ZMYM2: variants seen among roughly 807,000 people sequenced by gnomAD.
ZMYM2 encodes zinc finger MYM-type protein 2.
Under a neutral mutation model 162.8 loss-of-function variants are expected in ZMYM2, and 56 were observed. That is an observed-to-expected ratio of 0.34 (90% CI 0.28 to 0.43). ZMYM2 has a LOEUF of 0.43. ZMYM2 is among the 20% of genes least tolerant of loss of function. The pLI is 1.00. For synonymous variants in ZMYM2, 510 were observed against 541.6 expected, an observed-to-expected ratio of 0.94 and a Z score of 0.81; for missense variants, 1,275 against 1,621.8, an observed-to-expected ratio of 0.79 and a Z score of 3.67.
At chr13:20,047,506 C>T (rs541386860) in intron 12 of ZMYM2, among the ~76,000 whole-genome samples, 1 of 152,232 alleles carries the variant, frequency 6.6e-6, no homozygotes, top group African/African-American at 2.4e-5. Context: ...ACTTAAAAAT[C>T]AACAGCTAGC....
At chr13:19,874,540 A>G in the ZMYM2 span, among the ~76,000 whole-genome samples, 345 of 152,240 alleles carry the variant, frequency 2.3e-3, 1 homozygote, top group African/African-American at 7.7e-3. Context: ...GCTCATTCCA[A>G]TCTTCACTTC....
chr13:19,871,735 A>G, the ZMYM2 span, among the ~76,000 whole-genome samples: 1 of 152,236 alleles, frequency 6.6e-6, no homozygotes, highest in African/African-American at 2.4e-5. Context: ...GCACCCAATA[A>G]TGAGGAAATG....
intron 12 of ZMYM2, among the ~76,000 whole-genome samples, chr13:20,049,577 T>A (rs921950116): frequency 6.6e-6 from 1 of 152,100 alleles, no homozygotes; most frequent in Non-Finnish European, 1.5e-5. Context: ...TCTGCTCATT[T>A]ATAGTAACTC....
At chr13:19,868,773 C>T in the ZMYM2 span, among the ~76,000 whole-genome samples, 1 of 152,056 alleles carries the variant, frequency 6.6e-6, no homozygotes, top group Non-Finnish European at 1.5e-5. Context: ...ATTTTTGAGA[C>T]AGAATCTTAT....
At chr13:20,008,256 G>C (rs1566282193) in intron 6 of ZMYM2, among the ~76,000 whole-genome samples, 1 of 152,094 alleles carries the variant, frequency 6.6e-6, no homozygotes, top group African/African-American at 2.4e-5. Context: ...TCAGCCTCCT[G>C]AGTGGCTGGG....
the ZMYM2 span, among the ~76,000 whole-genome samples, chr13:19,915,859 T>C: frequency 8.1e-6 from 1 of 123,382 alleles, no homozygotes; most frequent in Non-Finnish European, 1.7e-5. Context: ...TATTATGAAA[T>C]GACACTTTTT....
the ZMYM2 span, among the ~76,000 whole-genome samples, chr13:19,938,796 C>A: frequency 2.0e-5 from 3 of 151,660 alleles, no homozygotes; most frequent in Non-Finnish European, 4.4e-5. Context: ...TTGCTTTAAT[C>A]CTTACAAAAA....
chr13:19,923,191 CAAAAA>C, the ZMYM2 span, among the ~76,000 whole-genome samples: 3 of 125,524 alleles, frequency 2.4e-5, no homozygotes, highest in Admixed American at 8.4e-5. Flanking sequence ...ACTAAATATA[CAAAAA>C]AAAAAAAAAA....
intron 21 of ZMYM2, chr13:20,070,361 T>A: frequency 4.9e-6 from 1 of 203,040 alleles, no homozygotes; most frequent in Non-Finnish European, 1.1e-5. Context: ...GTTCCTTGCA[T>A]TTATTCATAT....
At chr13:19,950,479 G>T in the ZMYM2 span, among the ~76,000 whole-genome samples, 1 of 152,194 alleles carries the variant, frequency 6.6e-6, no homozygotes, top group Non-Finnish European at 1.5e-5. Context: ...TACTAGTCAC[G>T]GAGTTTTGGC....
intron 14 of ZMYM2, 26 bp downstream of exon 14, chr13:20,052,337 G>A (rs1006787319): frequency 1.3e-6 from 2 of 1,559,508 alleles, no homozygotes; most frequent in Non-Finnish European, 1.7e-6. Context: ...ATGGAGTGCT[G>A]AATTGTGATT....
chr13:20,007,517 T>C (rs913226018), intron 6 of ZMYM2, among the ~76,000 whole-genome samples: 6 of 152,174 alleles, frequency 3.9e-5, no homozygotes, highest in Non-Finnish European at 8.8e-5. Flanking sequence ...GTGATTTCAA[T>C]CTTCATAAAT....
chr13:19,977,051 T>C (rs1225343034), intron 2 of ZMYM2, among the ~76,000 whole-genome samples: 3 of 152,254 alleles, frequency 2.0e-5, no homozygotes, highest in Non-Finnish European at 4.4e-5. Flanking sequence ...TATAACCTTT[T>C]TTGATTTAAA....
At chr13:20,004,068 C>T (rs930769829) in intron 4 of ZMYM2, among the ~76,000 whole-genome samples, 3 of 152,114 alleles carry the variant, frequency 2.0e-5, no homozygotes, top group Admixed American at 2.0e-4. Flanking sequence ...CTCAATTCTC[C>T]GAAGCTATAT....
chr13:20,034,216 TCG>T (rs777663160), intron 10 of ZMYM2, 36 bp from the exon 11 acceptor site: 1 of 1,501,876 alleles, frequency 6.7e-7, no homozygotes. Context: ...CTTAAGCTTG[TCG>T]TCATATACTT....
At chr13:19,896,368 T>G in the ZMYM2 span, among the ~76,000 whole-genome samples, 1 of 150,888 alleles carries the variant, frequency 6.6e-6, no homozygotes, top group Non-Finnish European at 1.5e-5. Flanking sequence ...GGTCTCGAAC[T>G]CCTGACCTCA....
At chr13:19,880,041 C>G in the ZMYM2 span, among the ~76,000 whole-genome samples, 122,094 of 152,118 alleles carry the variant, frequency 0.8, 50,341 homozygotes, top group East Asian at 0.96. Context: ...CTTGGTCTTG[C>G]GCCTTTAGAC....
At position 20,088,585 on chromosome 13, in the gene ZMYM2, CATAGAT is replaced by C. The variant is rs1958397656; in HGVS notation, c.*2574_*2579del. ...TAAAAGGCTTTACTGTATTAGGTAA[CATAGAT>C]ATTAAAGGATTTTTCTAGGCAAGAA... On this transcript the variant is annotated 3_prime_UTR_variant, in exon 25 of 25. Coordinates refer to ENST00000610343, the MANE Select transcript of ZMYM2 (RefSeq NM_197968.4). The C allele has an allele frequency of 1.0e-5, 2 of 194,366 alleles. No homozygotes were observed. Among genetic ancestry groups the C allele is most frequent in the East Asian group, 1.6e-4 (2 of 12,220 alleles). 12.0% of individuals were successfully genotyped at this position (194,366 alleles called of 1,614,324 possible). A position where few individuals can be genotyped will look rare whatever the true frequency, so the allele number is the denominator to read the frequency against.
chr13:20,012,716 C>G (rs574647123), intron 6 of ZMYM2, among the ~76,000 whole-genome samples: 1 of 152,280 alleles, frequency 6.6e-6, no homozygotes, highest in East Asian at 1.9e-4. Flanking sequence ...CCCACCACCA[C>G]CACCTGTTGA....
Sources: gnomAD v4.1 joint callset for allele counts (sites outside exome capture counted in the v4.1 genomes callset) on GRCh38, gnomAD v4.1.1 for gene constraint, MANE v1.5 for transcripts, NCBI Gene and HGNC (gene_info 2026-07-23, HGNC 2026-07-21) for gene names.